The following CYB5RL variants were observed in gnomAD, a reference collection of about 807,000 sequenced individuals.
The protein encoded by CYB5RL is NADH-cytochrome b5 reductase-like.
A neutral mutation model predicts 37.5 loss-of-function variants in CYB5RL; 38 were observed. That is an observed-to-expected ratio of 1.01 (90% CI 0.78 to 1.33). The LOEUF is 1.33. Ranked by LOEUF, CYB5RL falls within the 40% of genes most tolerant of loss-of-function variation. The pLI is 0.00. For synonymous variants in CYB5RL, 141 were observed against 151.9 expected, an observed-to-expected ratio of 0.93 and a Z score of 0.53; for missense variants, 388 against 394.4, an observed-to-expected ratio of 0.98 and a Z score of 0.14.
Position 54,174,551 on chromosome 1 carries a change from C to T in CYB5RL, c.*68G>A. ...GGCCTGGACTCCGTGTCTTCTGATT[C>T]CAGTCTGTGCTCCTTCCTGGGTCCC... On this transcript the variant is annotated 3_prime_UTR_variant, in exon 8 of 8. Transcript: ENST00000534324. The T allele has an allele frequency of 6.5e-7, 1 of 1,534,260 alleles. No homozygotes were observed. Among genetic ancestry groups the T allele is most frequent in the South Asian group, 1.2e-5 (1 of 83,564 alleles).
rs1377580662 is a variant in CYB5RL, at chr1:54,173,591, A to AGATATGGTGTTAT, written c.*1027_*1028insATAACACCATATC. The AGATATGGTGTTAT allele has an allele frequency of 6.6e-6, 1 of 152,238 alleles. No homozygotes were observed. The highest frequency in any genetic ancestry group is 2.4e-5 in the African/African-American group (1 of 41,450). The allele number at this position is 152,238 out of a possible 1,614,324, so 9.4% of individuals were successfully genotyped here. On this transcript the variant is annotated 3_prime_UTR_variant, in exon 8 of 8. Coordinates refer to ENST00000534324, the MANE Select transcript of CYB5RL (RefSeq NM_001031672.4). The stretch of plus-strand genomic sequence containing the variant: ...CTGAACTTTCAGCTTTGATATGGTG[A>AGATATGGTGTTAT]AGAGTACATTTCTATGACTATAAAA...
Position 54,187,741 on chromosome 1 carries a change from T to G in CYB5RL, c.348-2A>C. ...ATTTCTAAGTCATCTACTATCCCTC[T>G]GAGAAACAGAAGTGTGCAGTCAGTC... is the stretch of plus-strand genomic sequence containing the variant. On this transcript the variant is annotated splice_acceptor_variant, in intron 4 of 7. Coordinates refer to ENST00000534324, the MANE Select transcript of CYB5RL (RefSeq NM_001031672.4). LOFTEE classifies it high-confidence loss of function. 1.2e-6 allele frequency: 2 copies of G among 1,613,630 alleles called. No homozygotes were observed. Among genetic ancestry groups the G allele is most frequent in the Non-Finnish European group, 1.7e-6 (2 of 1,179,546 alleles).
chr1:54,170,949 T>C lies in CYB5RL; in HGVS notation c.*3670A>G. The C allele has an allele frequency of 2.9e-6, 1 of 348,450 alleles. No homozygotes were observed. The highest frequency in any genetic ancestry group is 3.7e-5 in the Admixed American group (1 of 26,990). 21.6% of individuals were successfully genotyped at this position (348,450 alleles called of 1,614,324 possible). On this transcript the variant is annotated 3_prime_UTR_variant, in exon 8 of 8. Coordinates refer to ENST00000534324, the MANE Select transcript of CYB5RL (RefSeq NM_001031672.4). ...CACCTGGAAAGCACTTCCTGAACAT[T>C]AGTTGTTTATCGCTCAGGTATTCGA... is the stretch of plus-strand genomic sequence containing the variant.
At chr1:54,188,273 A>G (rs1274381997) in intron 4 of CYB5RL, among the ~76,000 whole-genome samples, 1 of 152,214 alleles carries the variant, frequency 6.6e-6, no homozygotes, top group Non-Finnish European at 1.5e-5. Context: ...GGGGACAGCT[A>G]TCTGCATTCC....
chr1:54,180,687 C>T (rs572368903), intron 6 of CYB5RL, among the ~76,000 whole-genome samples: 47 of 152,140 alleles, frequency 3.1e-4, no homozygotes, highest in Non-Finnish European at 5.9e-4. Flanking sequence ...GGGGTATTTA[C>T]CACCCTCATT....
chr1:54,182,713 C>T (rs1246192904), intron 6 of CYB5RL, among the ~76,000 whole-genome samples: 1 of 152,128 alleles, frequency 6.6e-6, no homozygotes, highest in African/African-American at 2.4e-5. Flanking sequence ...CCATGCCTGG[C>T]TAGTATTTTT....
chr1:54,180,394 A>T lies in CYB5RL; in HGVS notation c.541-1042T>A, dbSNP rs373599005. On this transcript the variant is annotated intron_variant, in intron 6 of 7. Coordinates refer to ENST00000534324, the MANE Select transcript of CYB5RL (RefSeq NM_001031672.4). ...GCCAAGGCAGGCGGTTCACGAGGTC[A>T]GGAGATCGAGCCATCCTGGCTAACA... 2.2e-4 allele frequency among the ~76,000 whole-genome samples: 34 copies of T among 152,050 alleles called. No individual in the cohort carries two copies. In the South Asian group the frequency reaches 6.7e-3, roughly 30 times the overall value.
rs762414782 is a variant in CYB5RL, at chr1:54,190,864, G to A, written c.231C>T (p.Phe77=). The A allele has an allele frequency of 2.0e-5, 32 of 1,611,364 alleles. No homozygotes were observed. Among genetic ancestry groups the A allele is most frequent in the Non-Finnish European group, 2.5e-5 (30 of 1,178,978 alleles). Residue 77 remains phenylalanine, a synonymous_variant, in exon 4 of 8, where the codon TTC becomes TTT. Transcript: ENST00000534324. Reference sequence around the variant, plus strand: ...CCATGGCAATGATGCAGAAGGCCACGAAGGTCTCTGGGTTCAGCTTGGAGG... The same window carrying A: ...CCATGGCAATGATGCAGAAGGCCACAAAGGTCTCTGGGTTCAGCTTGGAGG... ...SCPSKLNPET[F]VAFCIIAMDR... is the part of the protein sequence containing the mutation.
intron 6 of CYB5RL, chr1:54,179,898 A>G: frequency 2.2e-6 from 1 of 453,288 alleles, no homozygotes; most frequent in Admixed American, 2.4e-5. Context: ...GGCTAAATGA[A>G]ATAATATGCA....
At position 54,179,158 on chromosome 1, in the gene CYB5RL, T is replaced by G. The variant is rs758924004; in HGVS notation, c.735A>C (p.Val245=). ...ARFWNVRTFF[V]LSQESSSEQL... is the part of the protein sequence containing the mutation. ...ACCACCCTGGGCTCACCTGGCTGAG[T>G]ACAAAGAAGGTACGGACATTCCAGA... The change falls in exon 7 of 8, where the codon GTA becomes GTC. Residue 245 remains valine (V), a synonymous_variant. Transcript: ENST00000534324. 1 of 1,612,380 alleles carries G rather than the reference T, an allele frequency of 6.2e-7. No homozygotes were observed. Among genetic ancestry groups the G allele is most frequent in the South Asian group, 1.1e-5 (1 of 90,414 alleles).
intron 6 of CYB5RL, among the ~76,000 whole-genome samples, chr1:54,183,218 G>A (rs977859573): frequency 1.3e-5 from 2 of 152,054 alleles, no homozygotes; most frequent in African/African-American, 2.4e-5. Context: ...CCTGTAGCCC[G>A]GTTTACCTAA....
Position 54,187,693 on chromosome 1 carries a change from T to C in CYB5RL, c.394A>G (p.Ser132Gly), listed in dbSNP as rs1354959952. The change falls in exon 5 of 8, where the codon AGC (serine) becomes GGC (glycine). Residue 132 changes from serine to glycine, a missense_variant. Physicochemically the swap from Ser to Gly is moderately conservative, Grantham distance 56. Transcript: ENST00000534324. The part of the protein sequence containing the change: ...LEIQRAYTPI[S>G]PANAEGYFEV... ...AAGTATCCTTCTGCGTTGGCAGGGCTGATGGGCGTATAGGCTCTCTGAATT... is the reference window on the plus strand; with the variant it reads ...AAGTATCCTTCTGCGTTGGCAGGGCCGATGGGCGTATAGGCTCTCTGAATT... 10 of 1,613,916 alleles carry C rather than the reference T, an allele frequency of 6.2e-6. No homozygotes were observed. The highest frequency in any genetic ancestry group is 8.5e-6 in the Non-Finnish European group (10 of 1,179,906).
chr1:54,190,932 G>A (rs1442557067), intron 3 of CYB5RL, 36 bp from the exon 4 acceptor site: 3 of 1,599,468 alleles, frequency 1.9e-6, no homozygotes, highest in Non-Finnish European at 1.7e-6. Flanking sequence ...TAGAGGCCGG[G>A]GCTCCACAGA....
intron 5 of CYB5RL, chr1:54,184,570 A>C (rs367882675): frequency 8.4e-5 from 20 of 239,324 alleles, no homozygotes; most frequent in African/African-American, 4.5e-4. Flanking sequence ...TGAGTGAAGA[A>C]CTGGGTGATG....
chr1:54,171,081 G>T lies in CYB5RL; in HGVS notation c.*3538C>A, dbSNP rs1659880192. On this transcript the variant is annotated 3_prime_UTR_variant, in exon 8 of 8. Transcript: ENST00000534324. ...GGTACAGCGACAGAAAAGCACACAA[G>T]CCTCTCTGCTCACTGACCAAGCTGG... The T allele has an allele frequency of 2.2e-6, 1 of 453,562 alleles. No individual in the cohort carries two copies. 28.1% of individuals were successfully genotyped at this position (453,562 alleles called of 1,614,324 possible). A position where few individuals can be genotyped will look rare whatever the true frequency, so the allele number is the denominator to read the frequency against.
chr1:54,181,059 G>A (rs1660148059), intron 6 of CYB5RL, among the ~76,000 whole-genome samples: 2 of 152,298 alleles, frequency 1.3e-5, no homozygotes, highest in African/African-American at 4.8e-5. Flanking sequence ...GCCTGGTGCA[G>A]ATCCAATTAG....
chr1:54,194,316 A>G (rs1643985540), intron 3 of CYB5RL, among the ~76,000 whole-genome samples: 3 of 151,704 alleles, frequency 2.0e-5, no homozygotes, highest in Admixed American at 6.6e-5. Flanking sequence ...GTTGCAGTGA[A>G]CCAAGATAGC....
At position 54,171,531 on chromosome 1, in the gene CYB5RL, G is replaced by C. The variant is rs765632309; in HGVS notation, c.*3088C>G. On this transcript the variant is annotated 3_prime_UTR_variant, in exon 8 of 8. Transcript: ENST00000534324. ...TGAGGGCTGAACTAAAGCCAATGCC[G>C]CTTCTGCGACCAAGAATCTGTCCTC... is the stretch of plus-strand genomic sequence containing the variant. 4.5e-5 allele frequency: 19 copies of C among 420,398 alleles called. No homozygotes were observed. Among genetic ancestry groups the C allele is most frequent in the Non-Finnish European group, 7.7e-5 (16 of 207,476 alleles). The allele number at this position is 420,398 out of a possible 1,614,324, so 26.0% of individuals were successfully genotyped here.
At position 54,195,437 on chromosome 1, in the gene CYB5RL, C is replaced by CA; in HGVS notation, c.179dup (p.Arg61AlafsTer30). The CA allele has an allele frequency of 6.2e-7, 1 of 1,603,770 alleles. No individual in the cohort carries two copies. The highest frequency in any genetic ancestry group is 8.5e-7 in the Non-Finnish European group (1 of 1,173,062). On this transcript the variant is annotated frameshift_variant, in exon 3 of 8. Coordinates refer to ENST00000534324, the MANE Select transcript of CYB5RL (RefSeq NM_001031672.4). LOFTEE classifies it high-confidence loss of function. ...CTCTCACCTGTGACTCTGGCCCACG[C>CA]AGCAGGCTCCTGTCCTTGCTGGCTT...
Sources: allele counts gnomAD v4.1 joint callset (sites outside exome capture counted in the v4.1 genomes callset), GRCh38; gene constraint gnomAD v4.1.1; transcripts MANE v1.5; gene names NCBI Gene and HGNC (gene_info 2026-07-23, HGNC 2026-07-21).